TECRL: variants seen among roughly 807,000 people sequenced by gnomAD.
TECRL encodes the protein trans-2,3-enoyl-CoA reductase like.
A neutral mutation model predicts 52.8 loss-of-function variants in TECRL; 63 were observed. The ratio of observed to expected loss-of-function variants is 1.19; its 90% confidence interval spans 0.97 to 1.47. The LOEUF is 1.47. Ranked by LOEUF, TECRL falls within the 40% of genes most tolerant of loss-of-function variation. The pLI is 0.00. For missense variants in TECRL, 482 were observed against 429.6 expected (o/e 1.12, Z -1.08); for synonymous variants, 164 against 141.9 (o/e 1.16, Z -1.10).
intron 2 of TECRL, among the ~76,000 whole-genome samples, chr4:64,349,667 T>C (rs1424369513): frequency 6.6e-6 from 1 of 152,198 alleles, no homozygotes; most frequent in Non-Finnish European, 1.5e-5. Context: ...TGATTGAATA[T>C]AGTTAATTTA....
chr4:64,340,458 G>A (rs997376417), intron 2 of TECRL, among the ~76,000 whole-genome samples: 7 of 152,200 alleles, frequency 4.6e-5, no homozygotes, highest in Admixed American at 2.0e-4. Context: ...CAATTTCAGA[G>A]CAAAGTTGGG....
chr4:64,382,230 T>TA (rs1722857218), intron 1 of TECRL, among the ~76,000 whole-genome samples: 1 of 2,652 alleles, frequency 3.8e-4, no homozygotes, highest in African/African-American at 4.4e-4. Context: ...TATATATATA[T>TA]ATATAGTATT....
chr4:64,347,709 G>A (rs1313282478), intron 2 of TECRL, among the ~76,000 whole-genome samples: 1 of 152,064 alleles, frequency 6.6e-6, no homozygotes, highest in Non-Finnish European at 1.5e-5. Context: ...ACAGCAAGGA[G>A]GAAACGGCCC....
intron 2 of TECRL, among the ~76,000 whole-genome samples, chr4:64,354,860 T>C (rs913582345): frequency 4.6e-5 from 7 of 152,228 alleles, no homozygotes; most frequent in African/African-American, 1.7e-4. Context: ...GATGATCAAC[T>C]GGCTTTGTTC....
intron 3 of TECRL, among the ~76,000 whole-genome samples, chr4:64,323,756 A>C (rs2110033823): frequency 6.6e-6 from 1 of 152,296 alleles, no homozygotes; most frequent in East Asian, 1.9e-4. Flanking sequence ...TGAAAGGAGA[A>C]GATTCAGTGA....
chr4:64,337,838 G>A lies in TECRL; in HGVS notation c.287-9282C>T, dbSNP rs543324231. On this transcript the variant is annotated intron_variant, in intron 2 of 11. Transcript: ENST00000381210. ...CTCATGGATAGGAAGAATCAATATC[G>A]TGAAATGGCCATACTGCCCAAGGTC... Among the ~76,000 whole-genome samples the A allele has an allele frequency of 8.5e-5, 13 of 152,160 alleles. No individual in the cohort carries two copies. The East Asian group carries it at 1.2e-3, about 14-fold the overall frequency.
intron 1 of TECRL, among the ~76,000 whole-genome samples, chr4:64,375,951 T>C (rs1722370249): frequency 6.6e-6 from 1 of 151,890 alleles, no homozygotes. Context: ...AGACATTTTA[T>C]GATAATTCAA....
intron 1 of TECRL, among the ~76,000 whole-genome samples, chr4:64,378,192 G>A (rs1416708456): frequency 6.6e-6 from 1 of 152,062 alleles, no homozygotes; most frequent in Non-Finnish European, 1.5e-5. Context: ...AAGACACAAG[G>A]AAGAAAATTG....
chr4:64,288,755 G>T (rs1193396044), intron 9 of TECRL, among the ~76,000 whole-genome samples: 2 of 152,116 alleles, frequency 1.3e-5, no homozygotes, highest in Non-Finnish European at 2.9e-5. Flanking sequence ...AGCAAAACCA[G>T]TATATTTGAG....
At chr4:64,393,190 G>A (rs930330151) in intron 1 of TECRL, among the ~76,000 whole-genome samples, 3 of 151,914 alleles carry the variant, frequency 2.0e-5, no homozygotes, top group Non-Finnish European at 4.4e-5. Context: ...AAGGCTTTTG[G>A]CATTTAAAGT....
At chr4:64,382,283 T>A (rs1369505929) in intron 1 of TECRL, among the ~76,000 whole-genome samples, 2 of 145,122 alleles carry the variant, frequency 1.4e-5, no homozygotes, top group South Asian at 2.1e-4. Flanking sequence ...ATATATTATA[T>A]TATATTATAT....
Sources: allele counts gnomAD v4.1 joint callset (sites outside exome capture counted in the v4.1 genomes callset), GRCh38; gene constraint gnomAD v4.1.1; transcripts MANE v1.5; gene names NCBI Gene and HGNC (gene_info 2026-07-23, HGNC 2026-07-21).